ATF7IP2: variants seen among roughly 807,000 people sequenced by gnomAD.
ATF7IP2 encodes the protein activating transcription factor 7 interacting protein 2.
A neutral mutation model predicts 64.2 loss-of-function variants in ATF7IP2; 42 were observed. The ratio of observed to expected loss-of-function variants is 0.65; its 90% CI spans 0.51 to 0.85. The LOEUF is 0.85. Ranked by LOEUF, ATF7IP2 falls within the 40% of genes least tolerant of loss-of-function variation. The pLI is 0.00. For synonymous variants in ATF7IP2, 308 were observed against 272.8 expected (o/e 1.13, Z -1.27); for missense variants, 933 against 784.2 (o/e 1.19, Z -2.27).
In ATF7IP2 at chr16:10,449,775, T is replaced by C. The variant is rs569329128; in HGVS notation, c.1195-7597T>C. The C allele has an allele frequency of 3.3e-5, 5 of 152,164 alleles. No homozygotes were observed. The South Asian group carries it at 1.0e-3, about 32-fold the overall frequency. The allele number at this position is 152,164 out of a possible 1,614,324, so 9.4% of individuals were successfully genotyped here. On this transcript the variant is annotated intron_variant, in intron 8 of 13. Transcript: ENST00000562102. ...AACCAGCTCCTGGATTCATTGATTT[T>C]TTTGTTTGTTTGTTTGTTTTTAAGG...
intron 1 of ATF7IP2, among the ~76,000 whole-genome samples, chr16:10,391,558 A>G (rs945736369): frequency 6.6e-6 from 1 of 152,132 alleles, no homozygotes; most frequent in African/African-American, 2.4e-5. Context: ...ATCTTGGTAC[A>G]TGTTTAATAA....
chr16:10,469,964 A>T (rs1009077354), intron 9 of ATF7IP2, among the ~76,000 whole-genome samples: 1 of 152,076 alleles, frequency 6.6e-6, no homozygotes, highest in Non-Finnish European at 1.5e-5. Context: ...GGGGAAAAAC[A>T]GACTTTTTAA....
chr16:10,453,193 C>T (rs1030869299), intron 8 of ATF7IP2, among the ~76,000 whole-genome samples: 2 of 152,172 alleles, frequency 1.3e-5, no homozygotes, highest in African/African-American at 2.4e-5. Context: ...CAGCTTTGTG[C>T]TTGAAACCCA....
chr16:10,394,039 AAAAC>A (rs1172905798), intron 1 of ATF7IP2, among the ~76,000 whole-genome samples: 2 of 152,138 alleles, frequency 1.3e-5, no homozygotes, highest in Non-Finnish European at 2.9e-5. Flanking sequence ...TAAACAAACA[AAAAC>A]AACCAAGTAA....
chr16:10,472,964 TTTTCA>T (rs2049861182), intron 10 of ATF7IP2, among the ~76,000 whole-genome samples: 1 of 152,204 alleles, frequency 6.6e-6, no homozygotes, highest in African/African-American at 2.4e-5. Context: ...AAATTCCCCA[TTTTCA>T]TTTCATTTTC....
intron 1 of ATF7IP2, among the ~76,000 whole-genome samples, chr16:10,403,850 C>G (rs1031482903): frequency 3.3e-5 from 5 of 152,014 alleles, no homozygotes; most frequent in African/African-American, 7.3e-5. Context: ...TATAGATCAG[C>G]CAAGGCAGAA....
intron 9 of ATF7IP2, among the ~76,000 whole-genome samples, chr16:10,460,338 C>G (rs1353576834): frequency 6.6e-6 from 1 of 152,120 alleles, no homozygotes; most frequent in Non-Finnish European, 1.5e-5. Context: ...CAACTTCAGT[C>G]AGTATCTCAG....
At chr16:10,479,366 T>C (rs1057495188) in intron 12 of ATF7IP2, among the ~76,000 whole-genome samples, 3 of 151,816 alleles carry the variant, frequency 2.0e-5, no homozygotes, top group African/African-American at 4.8e-5. Context: ...ATGGATGAAA[T>C]TGGAAATCAT....
intron 1 of ATF7IP2, among the ~76,000 whole-genome samples, chr16:10,403,367 C>G (rs1022765647): frequency 2.0e-5 from 3 of 152,138 alleles, no homozygotes; most frequent in Admixed American, 6.5e-5. Flanking sequence ...TTTGAGAAAA[C>G]CACCACACTA....
In ATF7IP2 at chr16:10,433,633, C is replaced by T; in HGVS notation, c.944C>T (p.Thr315Ile). 2.5e-6 allele frequency: 4 copies of T among 1,613,712 alleles called. No individual in the cohort carries two copies. The highest frequency in any genetic ancestry group is 3.4e-6 in the Non-Finnish European group (4 of 1,179,800). Residue 315 changes from threonine (T) to isoleucine (I), a missense_variant, in exon 6 of 14, where the codon ACA becomes ATA. By Grantham distance (89) the Thr-to-Ile change is moderately conservative. Transcript: ENST00000562102. ...ATTTGTGTAAGTTTGGAAAGGCAAA[C>T]AGCATTCCTGGAACAGGTAAAATAT... ...ENICVSLERQ[T>I]AFLEQVRHLI...
At chr16:10,432,884 G>GA (rs2048304032) in intron 5 of ATF7IP2, among the ~76,000 whole-genome samples, 1 of 151,342 alleles carries the variant, frequency 6.6e-6, no homozygotes, top group African/African-American at 2.4e-5. Flanking sequence ...TTCTCAAAAT[G>GA]AAAAAAGAGT....
At chr16:10,411,292 T>G (rs2047753082) in intron 1 of ATF7IP2, among the ~76,000 whole-genome samples, 1 of 152,090 alleles carries the variant, frequency 6.6e-6, no homozygotes, top group Non-Finnish European at 1.5e-5. Context: ...TTGGTACCAA[T>G]TTTTCTTTGA....
chr16:10,463,885 C>T (rs1015007413), intron 9 of ATF7IP2, among the ~76,000 whole-genome samples: 15 of 152,122 alleles, frequency 9.9e-5, no homozygotes, highest in Non-Finnish European at 5.9e-5. Context: ...GTGTTACAGC[C>T]CTCTTGCCTG....
chr16:10,400,425 A>T (rs1203032126), intron 1 of ATF7IP2, among the ~76,000 whole-genome samples: 1 of 152,218 alleles, frequency 6.6e-6, no homozygotes, highest in Non-Finnish European at 1.5e-5. Context: ...TTCTATACAT[A>T]AGATCATATA....
At chr16:10,453,598 A>C (rs537509946) in intron 8 of ATF7IP2, among the ~76,000 whole-genome samples, 1 of 152,140 alleles carries the variant, frequency 6.6e-6, no homozygotes, top group Non-Finnish European at 1.5e-5. Flanking sequence ...GATTCTGAAA[A>C]CTGAGCAAGG....
chr16:10,390,644 C>G (rs2047303240), intron 1 of ATF7IP2, among the ~76,000 whole-genome samples: 1 of 152,022 alleles, frequency 6.6e-6, no homozygotes, highest in Non-Finnish European at 1.5e-5. Context: ...GTAAAATTAG[C>G]CAGCCATGGA....
chr16:10,402,881 C>G (rs2047562372), intron 1 of ATF7IP2, among the ~76,000 whole-genome samples: 1 of 148,970 alleles, frequency 6.7e-6, no homozygotes, highest in Non-Finnish European at 1.5e-5. Context: ...CAAGACCAGC[C>G]TCAACGACAC....
At chr16:10,469,637 T>C (rs1364489536) in intron 9 of ATF7IP2, among the ~76,000 whole-genome samples, 2 of 152,058 alleles carry the variant, frequency 1.3e-5, no homozygotes, top group African/African-American at 4.8e-5. Context: ...TAGCCCAGCA[T>C]TGTGGCGCAT....
intron 12 of ATF7IP2, among the ~76,000 whole-genome samples, chr16:10,480,450 G>A (rs531033159): frequency 6.6e-6 from 1 of 151,776 alleles, no homozygotes; most frequent in South Asian, 2.1e-4. Flanking sequence ...ATTCCTTCCA[G>A]AGGAGCACAG....
Sources: gnomAD v4.1 joint callset for allele counts (sites outside exome capture counted in the v4.1 genomes callset) on GRCh38, gnomAD v4.1.1 for gene constraint, MANE v1.5 for transcripts, NCBI Gene and HGNC (gene_info 2026-07-23, HGNC 2026-07-21) for gene names.